Variants in PPP4R3B observed in about 807,000 individuals in gnomAD.
The protein encoded by PPP4R3B is serine/threonine-protein phosphatase 4 regulatory subunit 3B.
A neutral mutation model predicts 95.4 loss-of-function variants in PPP4R3B; 52 were observed. The ratio of observed to expected loss-of-function variants is 0.54; its 90% CI spans 0.44 to 0.69. The LOEUF is 0.69. Ranked by LOEUF, PPP4R3B falls within the 30% of genes least tolerant of loss-of-function variation. PPP4R3B has a pLI of 0.00. For synonymous variants in PPP4R3B, 407 were observed against 343.9 expected (o/e 1.18, Z -2.03); for missense variants, 1,003 against 1,005.9 (o/e 1.00, Z 0.04).
Position 55,617,258 on chromosome 2 carries a change from C to G in PPP4R3B, c.28G>C (p.Val10Leu). The G allele has an allele frequency of 6.2e-7, 1 of 1,605,404 alleles. No individual in the cohort carries two copies. The highest frequency in any genetic ancestry group is 1.1e-5 in the South Asian group (1 of 90,652). Reference protein sequence around the residue: MSDTRRRVKVYTLNEDRQWD... With the variant: MSDTRRRVKLYTLNEDRQWD... ...TGCCGGTCTTCGTTCAGGGTATAGA[C>G]CTTCACTCGCCGCCGCGTATCCGAC... The change falls in exon 1 of 17, where the codon GTC becomes CTC. Residue 10 changes from valine to leucine, a missense_variant. Around this residue, in one of 3 missense-constraint regions of PPP4R3B, gnomAD observed 695 missense variants for 686.2 expected, o/e 1.01. Coordinates refer to ENST00000616407, the MANE Select transcript of PPP4R3B (RefSeq NM_001122964.3).
chr2:55,576,569 C>T (rs1688699219), intron 11 of PPP4R3B, among the ~76,000 whole-genome samples: 1 of 151,648 alleles, frequency 6.6e-6, no homozygotes, highest in Non-Finnish European at 1.5e-5. Context: ...GGTGAAACTC[C>T]GCCTCTACTA....
chr2:55,604,120 GGTATCTACAAA>G (rs1397921979), intron 2 of PPP4R3B, 44 bp from the exon 3 acceptor site: 1 of 1,456,746 alleles, frequency 6.9e-7, no homozygotes, highest in South Asian at 1.3e-5. Flanking sequence ...CTAGAAAAGA[GGTATCTACAAA>G]GTACAAATAG....
intron 15 of PPP4R3B, among the ~76,000 whole-genome samples, chr2:55,563,049 T>C (rs1479293062): frequency 6.6e-6 from 1 of 152,222 alleles, no homozygotes; most frequent in Non-Finnish European, 1.5e-5. Context: ...AGCATCTCAC[T>C]CAACACTGGA....
chr2:55,601,672 G>A (rs773527093), intron 3 of PPP4R3B, among the ~76,000 whole-genome samples: 9 of 152,148 alleles, frequency 5.9e-5, no homozygotes, highest in East Asian at 1.9e-4. Flanking sequence ...GAGCCACTGC[G>A]CCCAGACCCA....
chr2:55,567,760 A>T (rs563454758), intron 13 of PPP4R3B, among the ~76,000 whole-genome samples: 2 of 152,258 alleles, frequency 1.3e-5, no homozygotes, highest in East Asian at 3.9e-4. Flanking sequence ...TTAAATCATT[A>T]CCTCTACAAT....
chr2:55,586,431 T>TA (rs1350486128), intron 6 of PPP4R3B, among the ~76,000 whole-genome samples, 187 bp downstream of exon 6: 3 of 152,196 alleles, frequency 2.0e-5, no homozygotes, highest in Admixed American at 2.0e-4. Flanking sequence ...AAGCACACTA[T>TA]ATGCAAGTGA....
intron 14 of PPP4R3B, 51 bp downstream of exon 14, chr2:55,564,851 A>G (rs769215741): frequency 1.3e-6 from 2 of 1,575,708 alleles, no homozygotes; most frequent in Non-Finnish European, 1.7e-6. Context: ...AACTACAAAC[A>G]ATTTTGGACA....
At chr2:55,613,964 T>C (rs1462531813) in intron 2 of PPP4R3B, among the ~76,000 whole-genome samples, 2 of 152,188 alleles carry the variant, frequency 1.3e-5, no homozygotes, top group African/African-American at 2.4e-5. Flanking sequence ...ATGTCTACCT[T>C]ACAATGTCTA....
chr2:55,614,369 A>G (rs1329385312), intron 2 of PPP4R3B: 2 of 152,358 alleles, frequency 1.3e-5, no homozygotes, highest in South Asian at 2.1e-4. Flanking sequence ...ATTCAAATGT[A>G]TAACAACAAG....
chr2:55,589,644 G>A (rs555590467), intron 4 of PPP4R3B, among the ~76,000 whole-genome samples: 9 of 152,182 alleles, frequency 5.9e-5, no homozygotes, highest in Admixed American at 3.3e-4. Context: ...GGCCAGGCGC[G>A]GTGGCTCACG....
At chr2:55,563,817 T>C (rs1208871937) in intron 15 of PPP4R3B, among the ~76,000 whole-genome samples, 2 of 152,356 alleles carry the variant, frequency 1.3e-5, no homozygotes, top group Non-Finnish European at 2.9e-5. Context: ...TAAAACAAGT[T>C]AAGCACATCT....
intron 2 of PPP4R3B, among the ~76,000 whole-genome samples, chr2:55,609,679 AAAC>A (rs1352765950): frequency 1.8e-4 from 27 of 152,016 alleles, no homozygotes; most frequent in African/African-American, 6.0e-4. Context: ...AAAAAAAAAA[AAAC>A]AAAAAAAACA....
chr2:55,552,416 A>C (rs952518802), intron 16 of PPP4R3B, among the ~76,000 whole-genome samples: 3 of 152,122 alleles, frequency 2.0e-5, no homozygotes, highest in Non-Finnish European at 2.9e-5. Flanking sequence ...TATATTTTTT[A>C]AGAGTCTTGC....
intron 16 of PPP4R3B, among the ~76,000 whole-genome samples, chr2:55,554,133 C>T (rs541372685): frequency 7.2e-4 from 109 of 152,242 alleles, no homozygotes; most frequent in Non-Finnish European, 1.5e-3. Context: ...GATGTGATCT[C>T]GGCTTATTGC....
intron 11 of PPP4R3B, among the ~76,000 whole-genome samples, chr2:55,575,481 T>A (rs987511598): frequency 2.0e-5 from 3 of 152,184 alleles, no homozygotes; most frequent in Admixed American, 1.3e-4. Flanking sequence ...GGTATCACTA[T>A]GTCACCCAGG....
chr2:55,568,956 C>T (rs897892329), intron 12 of PPP4R3B, among the ~76,000 whole-genome samples: 6 of 152,058 alleles, frequency 3.9e-5, no homozygotes, highest in South Asian at 2.1e-4. Context: ...ACTGAGGGCA[C>T]GAGCTGTTCT....
intron 15 of PPP4R3B, among the ~76,000 whole-genome samples, chr2:55,560,135 C>G (rs1428040707): frequency 6.6e-6 from 1 of 151,836 alleles, no homozygotes; most frequent in Non-Finnish European, 1.5e-5. Flanking sequence ...AAAAAAGATA[C>G]CTGAAAATGT....
intron 15 of PPP4R3B, among the ~76,000 whole-genome samples, chr2:55,563,432 G>A (rs905366657): frequency 3.9e-5 from 6 of 152,040 alleles, no homozygotes; most frequent in East Asian, 1.9e-4. Context: ...GGAGTGCAGC[G>A]GCAGCTCATG....
In PPP4R3B at chr2:55,548,335, A is replaced by G. The variant is rs922939121; in HGVS notation, c.*1576T>C. 1 of 152,662 alleles carries G rather than the reference A, an allele frequency of 6.6e-6. No individual in the cohort carries two copies. Among genetic ancestry groups the G allele is most frequent in the South Asian group, 2.1e-4 (1 of 4,834 alleles). The allele number at this position is 152,662 out of a possible 1,614,324, so 9.5% of individuals were successfully genotyped here. On this transcript the variant is annotated 3_prime_UTR_variant, in exon 17 of 17. Coordinates refer to ENST00000616407, the MANE Select transcript of PPP4R3B (RefSeq NM_001122964.3). ...GTAAAATTGACATATCTCAAAATGG[A>G]GTTAATTTATATTTACAACAAACCA...
Sources: gnomAD v4.1 joint callset for allele counts (sites outside exome capture counted in the v4.1 genomes callset) on GRCh38, gnomAD v4.1.1 for gene constraint, gnomAD v4.1.1 regional missense constraint, MANE v1.5 for transcripts, NCBI Gene and HGNC (gene_info 2026-07-23, HGNC 2026-07-21) for gene names.